CACNA1D: variants seen among roughly 807,000 people sequenced by gnomAD.
CACNA1D encodes voltage-dependent L-type calcium channel subunit alpha-1D.
CACNA1D carries 55 observed loss-of-function variants against 257.1 expected under a neutral mutation model. The ratio of observed to expected loss-of-function variants is 0.21; its 90% confidence interval spans 0.17 to 0.27. The LOEUF (loss-of-function observed/expected upper bound fraction) is 0.27. CACNA1D is among the 10% of genes least tolerant of loss of function. The probability of loss-of-function intolerance (pLI) is 1.00; values close to 1 mark genes in which losing one functional copy is unlikely to be tolerated. For missense variants in CACNA1D, 1,876 were observed against 2,784.0 expected (o/e 0.67, Z 7.34); for synonymous variants, 980 against 1,014.9 (o/e 0.97, Z 0.65).
At chr3:53,711,911 CT>C (rs1559553834) in intron 9 of CACNA1D, among the ~76,000 whole-genome samples, 1 of 152,156 alleles carries the variant, frequency 6.6e-6, no homozygotes, top group African/African-American at 2.4e-5. Context: ...TTGGGGCTGC[CT>C]TTTTTATCTG....
intron 29 of CACNA1D, among the ~76,000 whole-genome samples, chr3:53,756,203 A>G (rs933025279): frequency 6.6e-6 from 1 of 152,158 alleles, no homozygotes; most frequent in Admixed American, 6.5e-5. Context: ...TCAAGAGGGA[A>G]CGGTTAAAGA....
intron 4 of CACNA1D, among the ~76,000 whole-genome samples, chr3:53,659,114 A>G (rs1245819606): frequency 1.3e-5 from 2 of 152,236 alleles, no homozygotes; most frequent in African/African-American, 4.8e-5. Context: ...GCTGTTTGAA[A>G]TGGGCAAATT....
intron 3 of CACNA1D, among the ~76,000 whole-genome samples, chr3:53,624,707 A>T (rs2108065983): frequency 6.6e-6 from 1 of 152,214 alleles, no homozygotes; most frequent in Middle Eastern, 3.4e-3. Context: ...CGCACCCCCA[A>T]ATTCTTGAGC....
chr3:53,783,401 ATCT>A (rs1409574067), intron 39 of CACNA1D, among the ~76,000 whole-genome samples: 13 of 152,322 alleles, frequency 8.5e-5, no homozygotes, highest in East Asian at 3.9e-4. Flanking sequence ...TAGAGTAGAA[ATCT>A]TCTTCTTTCT....
intron 3 of CACNA1D, among the ~76,000 whole-genome samples, chr3:53,567,665 G>A (rs2092870220): frequency 6.6e-6 from 1 of 152,178 alleles, no homozygotes; most frequent in Admixed American, 6.5e-5. Flanking sequence ...CGAAAACCAT[G>A]TATTCATAAA....
At chr3:53,579,377 G>A (rs1412909582) in intron 3 of CACNA1D, among the ~76,000 whole-genome samples, 1 of 152,116 alleles carries the variant, frequency 6.6e-6, no homozygotes, top group East Asian at 1.9e-4. Context: ...ATCTTCCTAA[G>A]TAGTTTTTTA....
chr3:53,551,592 TG>T (rs2092536077), intron 3 of CACNA1D, among the ~76,000 whole-genome samples: 1 of 152,240 alleles, frequency 6.6e-6, no homozygotes, highest in Admixed American at 6.5e-5. Context: ...TGGTGGATGC[TG>T]GGAAGGATGA....
chr3:53,516,327 T>C (rs1428368188), intron 3 of CACNA1D, among the ~76,000 whole-genome samples: 1 of 152,228 alleles, frequency 6.6e-6, no homozygotes, highest in Non-Finnish European at 1.5e-5. Flanking sequence ...GTTAAATCCC[T>C]GTGTTCTTCC....
chr3:53,545,309 T>C (rs2092388139), intron 3 of CACNA1D, among the ~76,000 whole-genome samples: 1 of 152,244 alleles, frequency 6.6e-6, no homozygotes, highest in South Asian at 2.1e-4. Flanking sequence ...TCCTGCCATT[T>C]TCCCAGACCA....
At position 53,606,676 on chromosome 3, in the gene CACNA1D, A is replaced by G. The variant is rs1021901902; in HGVS notation, c.484-44103A>G. On this transcript the variant is annotated intron_variant, in intron 3 of 47. Transcript: ENST00000350061. ...GGATAGTTACCCACTTTATTGAGCT[A>G]AAATTTACTTAAAACATATGCCTTT... Among the ~76,000 whole-genome samples, 40 of 152,364 alleles carry G rather than the reference A, an allele frequency of 2.6e-4. No individual in the cohort carries two copies. The East Asian group carries it at 3.7e-3, about 14-fold the overall frequency.
rs2095227686 is a variant in CACNA1D, at chr3:53,751,688, C to T, written c.3517-61C>T. 4.5e-6 allele frequency: 7 copies of T among 1,572,058 alleles called. No individual in the cohort carries two copies. The highest frequency in any genetic ancestry group is 2.7e-5 in the African/African-American group (2 of 74,182). ...TGAGCTCTTTCAGAGCAGATGACCA[C>T]GGGGTCCTCCTTCCCTGCAAGTGCT... On this transcript the variant is annotated intron_variant, in intron 27 of 47. Coordinates refer to ENST00000350061, the MANE Select transcript of CACNA1D (RefSeq NM_001128840.3). The surrounding 1 kb of genome is among the most constrained non-coding windows in gnomAD (Gnocchi z 4.3).
chr3:53,581,303 G>A (rs76830885), intron 3 of CACNA1D, among the ~76,000 whole-genome samples: 1,744 of 152,246 alleles, frequency 0.011, 29 homozygotes, highest in South Asian at 0.038. Context: ...GAAATACATT[G>A]TTAATGTAGA....
intron 17 of CACNA1D, 144 bp from the exon 18 acceptor site, chr3:53,731,872 A>G (rs1197405730): frequency 7.1e-6 from 5 of 702,958 alleles, no homozygotes; most frequent in Non-Finnish European, 1.3e-5. Context: ...ATCTGGGGAC[A>G]TCTGCCTGTC....
intron 3 of CACNA1D, among the ~76,000 whole-genome samples, chr3:53,578,520 G>A (rs776823247): frequency 6.6e-5 from 10 of 152,154 alleles, no homozygotes; most frequent in African/African-American, 1.4e-4. Flanking sequence ...GAGTGAGGGC[G>A]TGGAGGAGGC....
chr3:53,531,130 G>A (rs1046030077), intron 3 of CACNA1D, among the ~76,000 whole-genome samples: 4 of 151,556 alleles, frequency 2.6e-5, no homozygotes, highest in Admixed American at 6.6e-5. Context: ...GGGATTATAG[G>A]CATGAGCCAC....
rs372826282 is a variant in CACNA1D, at chr3:53,673,035, A to G, written c.1129A>G (p.Met377Val). ...TDVLYWMNDA[M>V]GFELPWVYFV... ...TTATTTCTTGCAGATGAATGATGCT[A>G]TGGGATTTGAATTGCCCTGGGTGTA... is the stretch of plus-strand genomic sequence containing the variant. The change falls in exon 8 of 48, where the codon ATG (methionine) becomes GTG (valine). Residue 377 changes from methionine to valine, a missense_variant. Met to Val is a conservative substitution (Grantham distance 21, BLOSUM62 1). Coordinates refer to ENST00000350061, the MANE Select transcript of CACNA1D (RefSeq NM_001128840.3). This position sits in a 1 kb window ranked among gnomAD's most constrained non-coding sequence, Gnocchi z 4.1. The G allele has an allele frequency of 2.6e-6, 4 of 1,551,208 alleles. No individual in the cohort carries two copies. Among genetic ancestry groups the G allele is most frequent in the African/African-American group, 1.4e-5 (1 of 73,028 alleles).
chr3:53,618,612 A>G (rs975360816), intron 3 of CACNA1D, among the ~76,000 whole-genome samples: 3 of 152,120 alleles, frequency 2.0e-5, no homozygotes, highest in East Asian at 1.9e-4. Flanking sequence ...CATGTGGACC[A>G]TTTATTGCAC....
At chr3:53,522,996 T>G (rs2091637389) in intron 3 of CACNA1D, among the ~76,000 whole-genome samples, 1 of 152,216 alleles carries the variant, frequency 6.6e-6, no homozygotes, top group African/African-American at 2.4e-5. Flanking sequence ...AGTTCCCACA[T>G]AAGAGTGAGA....
At chr3:53,752,524 T>C (rs2095234612) in intron 28 of CACNA1D, among the ~76,000 whole-genome samples, 2 of 152,208 alleles carry the variant, frequency 1.3e-5, no homozygotes, top group South Asian at 4.1e-4. Flanking sequence ...CTCAGCATTC[T>C]GAGTAGCTAC....
Sources: allele counts gnomAD v4.1 joint callset (sites outside exome capture counted in the v4.1 genomes callset), GRCh38; gene constraint gnomAD v4.1.1; non-coding constraint Gnocchi (gnomAD v3.1); transcripts MANE v1.5; gene names NCBI Gene and HGNC (gene_info 2026-07-23, HGNC 2026-07-21).